The following EXOC4 variants were observed in gnomAD, a reference collection of about 807,000 sequenced individuals.
The protein encoded by EXOC4 is SEC8-like 1.
EXOC4 carries 71 observed loss-of-function variants against 107.2 expected under a neutral mutation model. The ratio of observed to expected loss-of-function variants is 0.66; its 90% CI spans 0.55 to 0.81. The LOEUF is 0.81. Ranked by LOEUF, EXOC4 falls within the 30% of genes least tolerant of loss-of-function variation. The pLI is 0.00. For synonymous variants in EXOC4, 456 were observed against 441.2 expected, an observed-to-expected ratio of 1.03 and a Z score of -0.42; for missense variants, 1,108 against 1,189.6, an observed-to-expected ratio of 0.93 and a Z score of 1.01.
At chr7:133,825,198 G>A (rs1797672417) in intron 11 of EXOC4, among the ~76,000 whole-genome samples, 1 of 149,842 alleles carries the variant, frequency 6.7e-6, no homozygotes, top group Non-Finnish European at 1.5e-5. Context: ...AAAAAAAAAA[G>A]AAAGAAAGAA....
At chr7:133,362,331 T>A (rs1210618822) in intron 6 of EXOC4, among the ~76,000 whole-genome samples, 6 of 152,210 alleles carry the variant, frequency 3.9e-5, no homozygotes, top group Non-Finnish European at 7.3e-5. Context: ...TATACTGTAT[T>A]GTAAGGGGTT....
intron 11 of EXOC4, among the ~76,000 whole-genome samples, chr7:133,848,826 A>G (rs1262775792): frequency 6.6e-6 from 1 of 152,218 alleles, no homozygotes; most frequent in Non-Finnish European, 1.5e-5. Flanking sequence ...GAGATTCGAA[A>G]TTTGGGAGCA....
chr7:133,445,183 A>T (rs1798190969), intron 7 of EXOC4, among the ~76,000 whole-genome samples: 2 of 152,166 alleles, frequency 1.3e-5, no homozygotes, highest in Non-Finnish European at 2.9e-5. Context: ...TTCTGAACTC[A>T]TTATAGAATC....
intron 9 of EXOC4, among the ~76,000 whole-genome samples, chr7:133,619,174 A>G (rs903674050): frequency 2.0e-5 from 3 of 152,194 alleles, no homozygotes; most frequent in African/African-American, 7.2e-5. Context: ...AGCTCTGATT[A>G]TCTTTATCAG....
At chr7:133,940,784 T>A (rs1800408127) in intron 14 of EXOC4, among the ~76,000 whole-genome samples, 2 of 152,096 alleles carry the variant, frequency 1.3e-5, no homozygotes, top group Admixed American at 1.3e-4. Flanking sequence ...ATTATTTTTT[T>A]TTTTTTGAAA....
intron 13 of EXOC4, among the ~76,000 whole-genome samples, chr7:133,920,013 C>A (rs1427767504): frequency 2.0e-5 from 3 of 152,198 alleles, no homozygotes; most frequent in Admixed American, 6.5e-5. Context: ...CAGCAAGGAA[C>A]AAGAGCTCCT....
chr7:133,548,553 G>C (rs1800526791), intron 9 of EXOC4, among the ~76,000 whole-genome samples: 1 of 152,128 alleles, frequency 6.6e-6, no homozygotes, highest in African/African-American at 2.4e-5. Context: ...CAATGATCTT[G>C]GCTAGATCTT....
chr7:133,847,537 A>ATTTTTTTTT (rs34297470), intron 11 of EXOC4, among the ~76,000 whole-genome samples: 9 of 127,168 alleles, frequency 7.1e-5, no homozygotes, highest in African/African-American at 8.9e-5. Context: ...TACACCAGCT[A>ATTTTTTTTT]TTTTTTTTTT....
chr7:133,573,189 T>C (rs1395479902), intron 9 of EXOC4, among the ~76,000 whole-genome samples: 1 of 152,164 alleles, frequency 6.6e-6, no homozygotes, highest in African/African-American at 2.4e-5. Flanking sequence ...AACAAAAAAA[T>C]ACTAATCTGT....
At chr7:133,919,777 C>G (rs1254628756) in intron 13 of EXOC4, among the ~76,000 whole-genome samples, 1 of 152,126 alleles carries the variant, frequency 6.6e-6, no homozygotes, top group South Asian at 2.1e-4. Flanking sequence ...CCACTCTATT[C>G]ACTCATCTAT....
At chr7:133,558,820 G>T (rs1800753690) in intron 9 of EXOC4, among the ~76,000 whole-genome samples, 1 of 152,080 alleles carries the variant, frequency 6.6e-6, no homozygotes, top group Non-Finnish European at 1.5e-5. Context: ...TGCTACTGAT[G>T]ACTGCTTCCA....
chr7:133,481,896 G>A (rs1319831253), intron 9 of EXOC4, among the ~76,000 whole-genome samples: 1 of 152,188 alleles, frequency 6.6e-6, no homozygotes, highest in African/African-American at 2.4e-5. Context: ...CAGGAGAAGA[G>A]GCTAGGCTGC....
intron 1 of EXOC4, among the ~76,000 whole-genome samples, chr7:133,261,157 G>T (rs1215535618): frequency 6.6e-6 from 1 of 151,478 alleles, no homozygotes; most frequent in South Asian, 2.1e-4. Flanking sequence ...TGGAATATAG[G>T]TATTATAACA....
chr7:133,412,904 C>T (rs1447786265), intron 7 of EXOC4, among the ~76,000 whole-genome samples: 3 of 152,016 alleles, frequency 2.0e-5, no homozygotes, highest in Admixed American at 6.6e-5. Flanking sequence ...GCAAACCTCT[C>T]GGAAGGACTC....
At position 133,253,160 on chromosome 7, in the gene EXOC4, C is replaced by T. The variant is rs1369589238; in HGVS notation, c.59C>T (p.Pro20Leu). 2 of 1,614,210 alleles carry T rather than the reference C, an allele frequency of 1.2e-6. No homozygotes were observed. Among genetic ancestry groups the T allele is most frequent in the South Asian group, 1.1e-5 (1 of 91,084 alleles). The change falls in exon 1 of 18, where the codon CCC (proline) becomes CTC (leucine). Residue 20 changes from proline to leucine, a missense_variant. By Grantham distance (98) the Pro-to-Leu change is moderately conservative. Coordinates refer to ENST00000253861, the MANE Select transcript of EXOC4 (RefSeq NM_021807.4). ...AGCACAGTCAGCAAAAGCAAAGACC[C>T]CTCGGGGCTGCTCATCTCTGTGATC... ...YRSTVSKSKD[P>L]SGLLISVIRT...
Position 133,997,528 on chromosome 7 carries a change from A to C in EXOC4, c.2243A>C (p.Asp748Ala), listed in dbSNP as rs764973453. 1.9e-6 allele frequency: 3 copies of C among 1,613,762 alleles called. No homozygotes were observed. The highest frequency in any genetic ancestry group is 2.2e-5 in the East Asian group (1 of 44,862). Residue 748 changes from aspartate (D) to alanine (A), a missense_variant, in exon 15 of 18, where the codon GAT (aspartate) becomes GCT (alanine). Physicochemically the swap from Asp to Ala is moderately radical, Grantham distance 126. Coordinates refer to ENST00000253861, the MANE Select transcript of EXOC4 (RefSeq NM_021807.4). Reference sequence around the variant, plus strand: ...GCTCAAGACAGCCACACGAACACGGATCTCCCCCCAGTGTCAGAGCAGATC... The same window carrying C: ...GCTCAAGACAGCCACACGAACACGGCTCTCCCCCCAGTGTCAGAGCAGATC... ...SPAQDSHTNTDLPPVSEQIMQ... is the reference protein window; with the variant it reads ...SPAQDSHTNTALPPVSEQIMQ...
intron 17 of EXOC4, among the ~76,000 whole-genome samples, chr7:134,063,522 T>A (rs925570086): frequency 1.3e-5 from 2 of 152,152 alleles, no homozygotes; most frequent in African/African-American, 4.8e-5. Flanking sequence ...TTCGTCTTTG[T>A]ATCTGGGAAA....
chr7:133,884,583 G>A (rs1285335763), intron 11 of EXOC4, among the ~76,000 whole-genome samples: 1 of 55,532 alleles, frequency 1.8e-5, no homozygotes, highest in Non-Finnish European at 3.8e-5. Flanking sequence ...CCTATGCTCT[G>A]TGTGTGTGTG....
At chr7:133,952,130 C>G (rs1029260493) in intron 14 of EXOC4, among the ~76,000 whole-genome samples, 2 of 150,664 alleles carry the variant, frequency 1.3e-5, no homozygotes, top group Admixed American at 1.3e-4. Flanking sequence ...CACTCCAGCC[C>G]GAGCTGACAA....
Sources: gnomAD v4.1 joint callset for allele counts (sites outside exome capture counted in the v4.1 genomes callset) on GRCh38, gnomAD v4.1.1 for gene constraint, MANE v1.5 for transcripts, NCBI Gene and HGNC (gene_info 2026-07-23, HGNC 2026-07-21) for gene names.